FKBP5: variants seen among roughly 807,000 people sequenced by gnomAD.
FKBP5 encodes FKBP prolyl isomerase 5, also known as peptidyl-prolyl cis-trans isomerase FKBP5.
FKBP5 carries 23 observed loss-of-function variants against 50.5 expected under a neutral mutation model. The ratio of observed to expected loss-of-function variants is 0.46; its 90% CI spans 0.33 to 0.65. The LOEUF (loss-of-function observed/expected upper bound fraction) is 0.65, where lower values mean the gene tolerates loss of function less well. Among genes scored for constraint, FKBP5 ranks in the 30% least tolerant of loss-of-function variants. FKBP5 has a pLI of 0.02. For synonymous variants in FKBP5, 176 were observed against 190.6 expected, an observed-to-expected ratio of 0.92 and a Z score of 0.63; for missense variants, 411 against 553.1, an observed-to-expected ratio of 0.74 and a Z score of 2.58.
At chr6:35,690,401 G>A (rs1377065104), upstream of FKBP5, among the ~76,000 whole-genome samples, 3 of 151,846 alleles carry the variant, frequency 2.0e-5, no homozygotes, top group Non-Finnish European at 2.9e-5. Flanking sequence ...TTGAACAGAG[G>A]TTGCAGTGAG....
intron 10 of FKBP5, among the ~76,000 whole-genome samples, chr6:35,576,462 A>G (rs1398303350): frequency 6.6e-6 from 1 of 152,158 alleles, no homozygotes; most frequent in African/African-American, 2.4e-5. Context: ...CCTTGAAGCC[A>G]GGGGTTCGAG....
At chr6:35,585,472 C>T in intron 8 of FKBP5, 1 of 985,192 alleles carries the variant, frequency 1.0e-6, no homozygotes, top group African/African-American at 1.7e-5. Context: ...TGGGGAACAT[C>T]TAACTCCCCT....
At chr6:35,593,081 G>A (rs754202155) in intron 6 of FKBP5, among the ~76,000 whole-genome samples, 1 of 152,228 alleles carries the variant, frequency 6.6e-6, no homozygotes, top group Non-Finnish European at 1.5e-5. Flanking sequence ...TGATCCTGCA[G>A]AGGTGGAAGC....
intron 6 of FKBP5, among the ~76,000 whole-genome samples, chr6:35,596,148 C>T (rs1356303988): frequency 1.3e-5 from 2 of 151,796 alleles, no homozygotes; most frequent in Admixed American, 6.6e-5. Context: ...TGAAGTCAGG[C>T]GTTTGAGACC....
chr6:35,610,213 T>C (rs1232806856), intron 5 of FKBP5, among the ~76,000 whole-genome samples: 2 of 152,180 alleles, frequency 1.3e-5, no homozygotes, highest in African/African-American at 2.4e-5. Flanking sequence ...CAGAACACTT[T>C]AGTATTATTT....
At chr6:35,708,255 A>C (rs1766357206) in intron 2 of FKBP5, among the ~76,000 whole-genome samples, 1 of 152,126 alleles carries the variant, frequency 6.6e-6, no homozygotes, top group Admixed American at 6.6e-5. Flanking sequence ...ACATTCGTAC[A>C]ATGGAATTCT....
chr6:35,696,470 C>G (rs1766083202), intron 2 of FKBP5, among the ~76,000 whole-genome samples: 1 of 150,486 alleles, frequency 6.6e-6, no homozygotes, highest in Non-Finnish European at 1.5e-5. Flanking sequence ...TGAGATCATG[C>G]CACTGTACTC....
Position 35,661,178 on chromosome 6 carries a change from G to A in FKBP5, c.-19-18335C>T, listed in dbSNP as rs1214171924. 2.4e-5 allele frequency among the ~76,000 whole-genome samples: 2 copies of A among 82,444 alleles called. 1 individual carries two copies. Among genetic ancestry groups the A allele is most frequent in the African/African-American group, 7.5e-5 (2 of 26,574 alleles). 54.1% of individuals were successfully genotyped at this position (82,444 alleles called of 152,430 possible). On this transcript the variant is annotated intron_variant, in intron 1 of 10. Coordinates refer to ENST00000357266, the MANE Select transcript of FKBP5 (RefSeq NM_004117.4). The stretch of plus-strand genomic sequence containing the variant: ...TGTATTTATTTATTTATAGAGATAT[G>A]GGGTCTCGCTACATTGAGCAGGCTG...
intron 1 of FKBP5, among the ~76,000 whole-genome samples, chr6:35,648,097 T>C (rs1764679735): frequency 1.3e-5 from 2 of 152,090 alleles, no homozygotes; most frequent in Admixed American, 6.5e-5. Flanking sequence ...CCAGAGAGTC[T>C]GGATTTAATT....
At chr6:35,607,997 A>G (rs1319161072) in intron 5 of FKBP5, 1 of 152,768 alleles carries the variant, frequency 6.5e-6, no homozygotes, top group Non-Finnish European at 1.5e-5. Context: ...ATAAAAAAAA[A>G]AAAAGAAAAT....
intron 5 of FKBP5, 79 bp from the exon 6 acceptor site, chr6:35,597,483 C>T (rs775656245): frequency 8.0e-5 from 118 of 1,473,244 alleles, no homozygotes; most frequent in Middle Eastern, 4.0e-4. Context: ...AATGAGTGGT[C>T]GACAATGTAG....
At chr6:35,613,127 T>A (rs1763540355) in intron 5 of FKBP5, among the ~76,000 whole-genome samples, 1 of 152,250 alleles carries the variant, frequency 6.6e-6, no homozygotes, top group Non-Finnish European at 1.5e-5. Flanking sequence ...GTAAATCACG[T>A]ATCTATAACA....
At chr6:35,661,225 G>A (rs1444833391) in intron 1 of FKBP5, among the ~76,000 whole-genome samples, 1 of 83,020 alleles carries the variant, frequency 1.2e-5, no homozygotes, top group African/African-American at 3.7e-5. Flanking sequence ...CTGGTCTCAA[G>A]TGATCCTCTC....
At chr6:35,619,246 C>G in intron 4 of FKBP5, 36 bp from the exon 5 acceptor site, 1 of 1,409,660 alleles carries the variant, frequency 7.1e-7, no homozygotes, top group Non-Finnish European at 1.0e-6. Flanking sequence ...GAGAAAAGAC[C>G]AAATAAAGCC....
chr6:35,647,848 G>T lies in FKBP5; in HGVS notation c.-19-5005C>A, dbSNP rs189085172. 2.1e-3 allele frequency among the ~76,000 whole-genome samples: 319 copies of T among 152,242 alleles called. 3 individuals are homozygous for T. The highest frequency in any genetic ancestry group is 5.4e-4 in the Non-Finnish European group (37 of 68,020). On this transcript the variant is annotated intron_variant, in intron 1 of 10. Coordinates refer to ENST00000357266, the MANE Select transcript of FKBP5 (RefSeq NM_004117.4). ...TCTTCTTTCCTTAATTCCTGCAGGG[G>T]CCTTGATATTCTGGCCCTTAACTGC...
intron 1 of FKBP5, among the ~76,000 whole-genome samples, chr6:35,645,207 A>G (rs756525114): frequency 2.0e-5 from 3 of 152,210 alleles, no homozygotes; most frequent in Admixed American, 6.5e-5. Flanking sequence ...ACCAGGAAGA[A>G]AAGACAAAAA....
At chr6:35,636,868 A>T (rs7746850) in intron 3 of FKBP5, 146 bp downstream of exon 3, 1 of 588,988 alleles carries the variant, frequency 1.7e-6, no homozygotes, top group Non-Finnish European at 2.7e-6. Flanking sequence ...AAGATCTCAG[A>T]GAGCCCTAGG....
chr6:35,676,347 C>G (rs1450892655), intron 1 of FKBP5, among the ~76,000 whole-genome samples: 1 of 152,200 alleles, frequency 6.6e-6, no homozygotes, highest in African/African-American at 2.4e-5. Flanking sequence ...CTAGGAACAG[C>G]ATATAAATCA....
intron 5 of FKBP5, among the ~76,000 whole-genome samples, chr6:35,606,222 T>C (rs926012910): frequency 4.0e-5 from 6 of 151,750 alleles, no homozygotes; most frequent in Admixed American, 6.6e-5. Flanking sequence ...AAAAAGCAAA[T>C]AGCCCCATTA....
Sources: allele counts gnomAD v4.1 joint callset (sites outside exome capture counted in the v4.1 genomes callset), GRCh38; gene constraint gnomAD v4.1.1; transcripts MANE v1.5; gene names NCBI Gene and HGNC (gene_info 2026-07-23, HGNC 2026-07-21).